The following JPH3 variants were observed in gnomAD, a reference collection of about 807,000 sequenced individuals.
JPH3 encodes the protein junctophilin 3, also known as junctophilin-3.
Under a neutral mutation model 59.6 loss-of-function variants are expected in JPH3, and 11 were observed. The ratio of observed to expected loss-of-function variants is 0.18; its 90% CI spans 0.12 to 0.31. JPH3 has a LOEUF of 0.31. JPH3 is among the 10% of genes least tolerant of loss of function. The pLI is 1.00. For synonymous variants in JPH3, 673 were observed against 483.6 expected, an observed-to-expected ratio of 1.39 and a Z score of -5.14; for missense variants, 1,202 against 1,105.7, an observed-to-expected ratio of 1.09 and a Z score of -1.24.
At chr16:87,664,352 G>C (rs1281903109) in intron 2 of JPH3, among the ~76,000 whole-genome samples, 4 of 147,038 alleles carry the variant, frequency 2.7e-5, no homozygotes, top group Non-Finnish European at 6.0e-5. Flanking sequence ...AAAATCATAT[G>C]GCCCGTCAGG....
intron 2 of JPH3, among the ~76,000 whole-genome samples, chr16:87,681,889 C>G (rs1305581553): frequency 1.3e-5 from 2 of 152,180 alleles, no homozygotes; most frequent in Non-Finnish European, 2.9e-5. Context: ...GCCTCGGATT[C>G]TCTGTCCAGG....
At chr16:87,640,346 C>T (rs544145212) in intron 1 of JPH3, among the ~76,000 whole-genome samples, 22 of 151,628 alleles carry the variant, frequency 1.5e-4, no homozygotes, top group South Asian at 1.3e-3. Flanking sequence ...AAGGGTTGTC[C>T]GGTTACCTGT....
chr16:87,694,926 G>A (rs1174433862), intron 4 of JPH3: 1 of 234,398 alleles, frequency 4.3e-6, no homozygotes, highest in Admixed American at 5.2e-5. Context: ...CACGGCCCAT[G>A]TCTTCCCCGC....
At chr16:87,613,755 C>T (rs1003933356) in intron 1 of JPH3, among the ~76,000 whole-genome samples, 1 of 152,158 alleles carries the variant, frequency 6.6e-6, no homozygotes, top group African/African-American at 2.4e-5. Context: ...GAAAGAAAAA[C>T]ACTTTTTCTT....
In JPH3 at chr16:87,690,456, C is replaced by A. The variant is rs1356372426; in HGVS notation, c.2096C>A (p.Pro699Gln). 1.3e-6 allele frequency: 2 copies of A among 1,486,422 alleles called. No individual in the cohort carries two copies. The highest frequency in any genetic ancestry group is 2.4e-5 in the East Asian group (1 of 41,742). 92.1% of individuals were successfully genotyped at this position (1,486,422 alleles called of 1,614,324 possible). Residue 699 changes from proline to glutamine, a missense_variant, in exon 4 of 5, where the codon CCG becomes CAG. Transcript: ENST00000284262. Reference protein sequence around the residue: ...RLLRWDLTFSPPQKSLPVALE... With the variant: ...RLLRWDLTFSQPQKSLPVALE... ...CTGCGTTGGGACTTGACCTTCTCCC[C>A]GCCCCAGAAATCCTTGCCTGTCGCT... is the stretch of plus-strand genomic sequence containing the variant.
intron 1 of JPH3, among the ~76,000 whole-genome samples, chr16:87,633,844 T>G (rs2031644149): frequency 6.6e-6 from 1 of 152,242 alleles, no homozygotes; most frequent in Non-Finnish European, 1.5e-5. Flanking sequence ...GTAGGGGACA[T>G]GGTCTCTCTT....
intron 2 of JPH3, among the ~76,000 whole-genome samples, chr16:87,652,536 T>C (rs894580987): frequency 6.6e-6 from 1 of 152,248 alleles, no homozygotes; most frequent in East Asian, 1.9e-4. Flanking sequence ...CCATCACGAC[T>C]CACTGCAACC....
chr16:87,687,947 T>A (rs1352850847), intron 3 of JPH3, among the ~76,000 whole-genome samples: 2 of 151,752 alleles, frequency 1.3e-5, no homozygotes, highest in African/African-American at 4.9e-5. Context: ...AAGGAGGAGG[T>A]ACGATGTGGG....
At chr16:87,634,579 C>T (rs946261008) in intron 1 of JPH3, among the ~76,000 whole-genome samples, 10 of 152,374 alleles carry the variant, frequency 6.6e-5, no homozygotes, top group African/African-American at 2.4e-4. Flanking sequence ...GCCGCAGAGC[C>T]ACCACCTTGG....
At chr16:87,672,230 G>C (rs1356286906) in intron 2 of JPH3, among the ~76,000 whole-genome samples, 2 of 152,134 alleles carry the variant, frequency 1.3e-5, no homozygotes, top group Admixed American at 1.3e-4. Flanking sequence ...CTCCTGAAGA[G>C]ACTCCGTTTC....
chr16:87,690,037 A>T lies in JPH3; in HGVS notation c.1677A>T (p.Arg559=), dbSNP rs773723020. 3.9e-6 allele frequency: 6 copies of T among 1,550,844 alleles called. No homozygotes were observed. The South Asian group carries it at 7.1e-5, about 18-fold the overall frequency. ...TGCTCGTGGATGACTTCCGCACCCG[A>T]GGTTCGGGCCGCAAGCAGCCCGGGA... ...GGLLVDDFRT[R]GSGRKQPGNP... is the part of the protein sequence containing the mutation. The change falls in exon 4 of 5, where the codon CGA becomes CGT. Residue 559 remains arginine (R), a synonymous_variant. Coordinates refer to ENST00000284262, the MANE Select transcript of JPH3 (RefSeq NM_020655.4).
chr16:87,641,025 C>G (rs1353390943), intron 1 of JPH3, among the ~76,000 whole-genome samples: 1 of 152,232 alleles, frequency 6.6e-6, no homozygotes, highest in Non-Finnish European at 1.5e-5. Context: ...GGGTGTGGAG[C>G]AAGCCACAGG....
At position 87,684,144 on chromosome 16, in the gene JPH3, C is replaced by G. The variant is rs200361710; in HGVS notation, c.1163C>G (p.Thr388Ser). ...KQKAEIAASRTSHSRAKAEAA... is the reference protein window; with the variant it reads ...KQKAEIAASRSSHSRAKAEAA... ...ACGCTCCTCCCTGTCTCCCCCAGGA[C>G]CTCCCACTCTCGGGCAAAGGCCGAG... is the stretch of plus-strand genomic sequence containing the variant. Residue 388 changes from threonine (T) to serine (S), a missense_variant and splice_region_variant, in exon 3 of 5, where the codon ACC becomes AGC. Coordinates refer to ENST00000284262, the MANE Select transcript of JPH3 (RefSeq NM_020655.4). 3.7e-6 allele frequency: 6 copies of G among 1,613,384 alleles called. No individual in the cohort carries two copies.
Position 87,644,772 on chromosome 16 carries a change from C to T in JPH3, c.897C>T (p.Gly299=), listed in dbSNP as rs144628082. The T allele has an allele frequency of 6.8e-6, 11 of 1,613,266 alleles. No individual in the cohort carries two copies. Among genetic ancestry groups the T allele is most frequent in the Non-Finnish European group, 7.6e-6 (9 of 1,179,928 alleles). Residue 299 remains glycine, a synonymous_variant, in exon 2 of 5, where the codon GGC becomes GGT. Transcript: ENST00000284262. ...VGEWKNDKRS[G]FGVSQRSDGL... is the part of the protein sequence containing the mutation. ...AGTGGAAGAACGACAAACGCTCCGG[C>T]TTCGGCGTGAGCCAGCGCTCGGACG...
intron 4 of JPH3, chr16:87,695,435 C>A (rs577102894): frequency 6.6e-5 from 30 of 455,836 alleles, no homozygotes; most frequent in African/African-American, 5.8e-4. Context: ...AGGATGTCTG[C>A]GTGGTAGGAA....
At chr16:87,671,903 T>C (rs775594234) in intron 2 of JPH3, among the ~76,000 whole-genome samples, 12 of 152,240 alleles carry the variant, frequency 7.9e-5, no homozygotes, top group Non-Finnish European at 1.6e-4. Context: ...TGGGAGATTG[T>C]TCATGCAGCA....
At chr16:87,630,170 C>G (rs2031519243) in intron 1 of JPH3, among the ~76,000 whole-genome samples, 1 of 152,196 alleles carries the variant, frequency 6.6e-6, no homozygotes, top group Non-Finnish European at 1.5e-5. Flanking sequence ...ACTGGAGGCA[C>G]TGGCCTTCCG....
rs536991212 is a variant in JPH3, at chr16:87,607,877, C to T, written c.382+4349C>T. Among the ~76,000 whole-genome samples the T allele has an allele frequency of 7.9e-5, 12 of 152,332 alleles. No individual in the cohort carries two copies. In the South Asian group the frequency reaches 1.0e-3, roughly 13 times the overall value. On this transcript the variant is annotated intron_variant, in intron 1 of 4. Coordinates refer to ENST00000284262, the MANE Select transcript of JPH3 (RefSeq NM_020655.4). ...CAGTTGGAGACGAAAGCGTTTTCTC[C>T]GAGATTCTCTTTCCGCTACTTCGGG...
At chr16:87,666,235 C>G (rs186379895) in intron 2 of JPH3, among the ~76,000 whole-genome samples, 3 of 151,982 alleles carry the variant, frequency 2.0e-5, no homozygotes, top group Admixed American at 6.6e-5. Context: ...ATTACAGGCA[C>G]CTGCCACCAT....
Sources: gnomAD v4.1 joint callset for allele counts (sites outside exome capture counted in the v4.1 genomes callset) on GRCh38, gnomAD v4.1.1 for gene constraint, MANE v1.5 for transcripts, NCBI Gene and HGNC (gene_info 2026-07-23, HGNC 2026-07-21) for gene names.